The following GABRG3 variants were observed in gnomAD, a reference collection of about 807,000 sequenced individuals.
The protein encoded by GABRG3 is gamma-aminobutyric acid receptor subunit gamma-3.
A neutral mutation model predicts 48.8 loss-of-function variants in GABRG3; 25 were observed. The ratio of observed to expected loss-of-function variants is 0.51; its 90% CI spans 0.37 to 0.72. GABRG3 has a LOEUF of 0.72. GABRG3 is among the 30% of genes least tolerant of loss of function. GABRG3 has a pLI of 0.00. For missense variants in GABRG3, 394 were observed against 577.9 expected (o/e 0.68, Z 3.26); for synonymous variants, 227 against 217.6 (o/e 1.04, Z -0.38).
intron 5 of GABRG3, among the ~76,000 whole-genome samples, chr15:27,438,028 C>T (rs569593614): frequency 2.0e-4 from 31 of 152,310 alleles, no homozygotes; most frequent in Middle Eastern, 6.8e-3. Flanking sequence ...ACAACCCAAA[C>T]GCCTTCCAGC....
At chr15:27,050,582 CAA>C (rs1374249309) in intron 3 of GABRG3, among the ~76,000 whole-genome samples, 1 of 152,180 alleles carries the variant, frequency 6.6e-6, no homozygotes, top group East Asian at 1.9e-4. Flanking sequence ...CCCAGGAGAA[CAA>C]GATTTCCTCG....
Position 27,361,151 on chromosome 15 carries a change from G to T in GABRG3, c.574+32263G>T, listed in dbSNP as rs539747557. ...TAGCTTTCCTGGCTGTATGGGGCAC[G>T]AGAGAGCAGGGTACTTCTTAGTGAC... On this transcript the variant is annotated intron_variant, in intron 5 of 9. Transcript: ENST00000615808. Among the ~76,000 whole-genome samples the T allele has an allele frequency of 3.3e-5, 5 of 152,338 alleles. No individual in the cohort carries two copies. In the South Asian group the frequency reaches 1.0e-3, roughly 32 times the overall value.
chr15:27,194,204 C>G (rs2140424755), intron 3 of GABRG3, among the ~76,000 whole-genome samples: 1 of 152,202 alleles, frequency 6.6e-6, no homozygotes, highest in East Asian at 1.9e-4. Context: ...TTCTCCTTGC[C>G]TTTTGAATAT....
At chr15:27,500,642 G>A (rs546698091) in intron 6 of GABRG3, among the ~76,000 whole-genome samples, 2 of 152,234 alleles carry the variant, frequency 1.3e-5, no homozygotes, top group African/African-American at 2.4e-5. Context: ...AGCCCCACCT[G>A]CTAATTTAGT....
At chr15:27,041,784 C>A (rs1179540413) in intron 3 of GABRG3, among the ~76,000 whole-genome samples, 1 of 152,156 alleles carries the variant, frequency 6.6e-6, no homozygotes. Context: ...GCAGTTTGAG[C>A]TCTGAACTCC....
chr15:27,466,787 C>T lies in GABRG3; in HGVS notation c.575-13863C>T, dbSNP rs140526181. ...AAGGGTAAGCATGGTGGCAGTGGGG[C>T]GACTGCTGCTCTCCAAGCCTCCCCA... On this transcript the variant is annotated intron_variant, in intron 5 of 9. Transcript: ENST00000615808. Among the ~76,000 whole-genome samples, 388 of 152,248 alleles carry T rather than the reference C, an allele frequency of 2.5e-3. 2 individuals are homozygous for T. Among genetic ancestry groups the T allele is most frequent in the African/African-American group, 9.0e-3 (373 of 41,562 alleles).
At chr15:27,360,901 GCT>G (rs1349842771) in intron 5 of GABRG3, among the ~76,000 whole-genome samples, 8 of 152,224 alleles carry the variant, frequency 5.3e-5, no homozygotes, top group Admixed American at 3.9e-4. Context: ...TTGAGTTCCA[GCT>G]CTCACATTCA....
At chr15:27,070,569 G>C (rs1282945471) in intron 3 of GABRG3, among the ~76,000 whole-genome samples, 3 of 152,118 alleles carry the variant, frequency 2.0e-5, no homozygotes, top group African/African-American at 2.4e-5. Flanking sequence ...AAGAATATTT[G>C]GTCAGTTCAT....
chr15:27,296,940 A>C (rs1431259020), intron 3 of GABRG3, among the ~76,000 whole-genome samples: 1 of 151,562 alleles, frequency 6.6e-6, no homozygotes, highest in African/African-American at 2.4e-5. Flanking sequence ...TGACGGCTCC[A>C]TGTGTGCTAT....
chr15:27,398,271 C>T (rs1887375045), intron 5 of GABRG3, among the ~76,000 whole-genome samples: 1 of 152,126 alleles, frequency 6.6e-6, no homozygotes, highest in African/African-American at 2.4e-5. Context: ...CTGATACATA[C>T]ATATTTAAAG....
intron 5 of GABRG3, among the ~76,000 whole-genome samples, chr15:27,393,109 G>T (rs1595725262): frequency 6.6e-6 from 1 of 152,188 alleles, no homozygotes; most frequent in South Asian, 2.1e-4. Context: ...ACTTTGGGAG[G>T]CCAAGGCGGG....
At chr15:27,492,978 A>G (rs1357156681) in intron 6 of GABRG3, among the ~76,000 whole-genome samples, 1 of 152,214 alleles carries the variant, frequency 6.6e-6, no homozygotes, top group Non-Finnish European at 1.5e-5. Context: ...ATGTGTTTGT[A>G]TTGGGGTGTG....
chr15:27,331,722 A>G (rs1191951143), intron 5 of GABRG3, among the ~76,000 whole-genome samples: 1 of 152,226 alleles, frequency 6.6e-6, no homozygotes, highest in Non-Finnish European at 1.5e-5. Flanking sequence ...GGTGATAATG[A>G]TGTGTCAACC....
intron 3 of GABRG3, among the ~76,000 whole-genome samples, chr15:27,145,614 T>TATCTATCTATCTATCTATC (rs1555406002): frequency 0.011 from 1,648 of 143,528 alleles, 34 homozygotes; most frequent in Middle Eastern, 0.028. Flanking sequence ...TCTATCTATC[T>TATCTATCTATCTATCTATC]ATCTATCTAT....
chr15:27,029,591 C>T (rs1257280234), intron 3 of GABRG3, among the ~76,000 whole-genome samples: 2 of 152,186 alleles, frequency 1.3e-5, no homozygotes, highest in Admixed American at 6.5e-5. Context: ...CCATGTTCTC[C>T]TTGGGTGAGT....
At chr15:27,462,278 C>T (rs951665459) in intron 5 of GABRG3, among the ~76,000 whole-genome samples, 1 of 152,122 alleles carries the variant, frequency 6.6e-6, no homozygotes, top group African/African-American at 2.4e-5. Flanking sequence ...CAAGGATAAG[C>T]CCAGGAGAGC....
Position 27,265,480 on chromosome 15 carries a change from G to A in GABRG3, c.271-61329G>A, listed in dbSNP as rs74896933. ...CTCTAAGCCTTATTTCTAACAGACA[G>A]CAAAGGGTGGGTACCTGAGATACAG... On this transcript the variant is annotated intron_variant, in intron 3 of 9. Transcript: ENST00000615808. 8.6e-4 allele frequency among the ~76,000 whole-genome samples: 131 copies of A among 152,254 alleles called. 2 individuals carry two copies. In the East Asian group the frequency reaches 0.021, roughly 24 times the overall value.
In GABRG3 at chr15:27,500,999, T is replaced by C. The variant is rs373120834; in HGVS notation, c.713-18973T>C. On this transcript the variant is annotated intron_variant, in intron 6 of 9. Transcript: ENST00000615808. ...ACGGAGTCTCACTCTGTCCCCAGGC[T>C]GGAGTGCAGTGGCGCGATCTCGGCT... Among the ~76,000 whole-genome samples the C allele has an allele frequency of 4.3e-5, 6 of 139,330 alleles. No individual in the cohort carries two copies. In the South Asian group the frequency reaches 1.1e-3, roughly 26 times the overall value. The allele number at this position is 139,330 out of a possible 152,430, so 91.4% of individuals were successfully genotyped here.
rs962536982 is a variant in GABRG3 at position 27,386,971 on chromosome 15, A to T, written c.574+58083A>T. Among the ~76,000 whole-genome samples the T allele has an allele frequency of 2.0e-5, 3 of 152,192 alleles. No homozygotes were observed. The South Asian group carries it at 6.2e-4, about 32-fold the overall frequency. On this transcript the variant is annotated intron_variant, in intron 5 of 9. Coordinates refer to ENST00000615808, the MANE Select transcript of GABRG3 (RefSeq NM_033223.5). ...GACAATTTAAATAACTTTCCATGTTACTGTGCATATAAAAGTTGCTCTACT... is the reference window on the plus strand; with the variant it reads ...GACAATTTAAATAACTTTCCATGTTTCTGTGCATATAAAAGTTGCTCTACT...
Sources: allele counts gnomAD v4.1 joint callset (sites outside exome capture counted in the v4.1 genomes callset), GRCh38; gene constraint gnomAD v4.1.1; transcripts MANE v1.5; gene names NCBI Gene and HGNC (gene_info 2026-07-23, HGNC 2026-07-21).